MBNL1: variants seen among roughly 807,000 people sequenced by gnomAD.
MBNL1 encodes the protein muscleblind like splicing regulator 1.
MBNL1 carries 8 observed loss-of-function variants against 42.2 expected under a neutral mutation model. The observed-to-expected ratio is 0.19, with a 90% CI of 0.11 to 0.34. The LOEUF is 0.34. MBNL1 is among the 10% of genes least tolerant of loss of function. The pLI is 1.00. For missense variants in MBNL1, 309 were observed against 495.3 expected (o/e 0.62, Z 3.57); for synonymous variants, 169 against 173.9 (o/e 0.97, Z 0.22).
chr3:152,407,817 A>C (rs944043451), intron 2 of MBNL1, among the ~76,000 whole-genome samples: 1 of 152,188 alleles, frequency 6.6e-6, no homozygotes, highest in African/African-American at 2.4e-5. Context: ...AAACATAGTT[A>C]CATCCTTTGC....
chr3:152,259,122 T>C (rs145990753), intron 2 of MBNL1, among the ~76,000 whole-genome samples: 65 of 152,342 alleles, frequency 4.3e-4, no homozygotes, highest in Non-Finnish European at 4.3e-4. Flanking sequence ...GCTTCTTTTA[T>C]ACAATTAACT....
At chr3:152,453,042 A>C (rs1442119646) in intron 6 of MBNL1, among the ~76,000 whole-genome samples, 1 of 151,552 alleles carries the variant, frequency 6.6e-6, no homozygotes, top group African/African-American at 2.4e-5. Context: ...GTATATTAAT[A>C]AATTACTTAT....
intron 5 of MBNL1, chr3:152,446,709 G>T: frequency 1.9e-6 from 3 of 1,613,774 alleles, no homozygotes; most frequent in Non-Finnish European, 2.5e-6. Flanking sequence ...TTAAGACTCA[G>T]TCGGCTGTCA....
At chr3:152,301,571 A>G (rs2060738926) in intron 2 of MBNL1, among the ~76,000 whole-genome samples, 1 of 152,236 alleles carries the variant, frequency 6.6e-6, no homozygotes, top group Admixed American at 6.5e-5. Context: ...GATTTCGAGA[A>G]TATGATCTTT....
chr3:152,262,835 CATAA>C (rs2036534982), intron 2 of MBNL1: 1 of 152,166 alleles, frequency 6.6e-6, no homozygotes, highest in Non-Finnish European at 1.5e-5. Flanking sequence ...ATATTATAAG[CATAA>C]ATAGATAATA....
intron 2 of MBNL1, among the ~76,000 whole-genome samples, chr3:152,345,385 G>A (rs747778418): frequency 9.2e-5 from 14 of 152,050 alleles, no homozygotes; most frequent in Non-Finnish European, 1.9e-4. Context: ...TCTCCCTGAG[G>A]AGAATTTTGT....
chr3:152,390,748 G>A (rs1412433681), intron 2 of MBNL1, among the ~76,000 whole-genome samples: 1 of 152,056 alleles, frequency 6.6e-6, no homozygotes. Flanking sequence ...TCAAAGCTAA[G>A]TAGCAGTAAA....
At chr3:152,298,332 A>G (rs1007940654) in intron 1 of MBNL1, among the ~76,000 whole-genome samples, 1 of 152,092 alleles carries the variant, frequency 6.6e-6, no homozygotes, top group Non-Finnish European at 1.5e-5. Context: ...TAAGTTGTTA[A>G]AAGTAAAAAT....
intron 9 of MBNL1, 111 bp downstream of exon 9, chr3:152,459,456 T>A (rs1740563583): frequency 2.2e-6 from 1 of 444,714 alleles, no homozygotes; most frequent in South Asian, 7.4e-5. Context: ...TATATACAGA[T>A]CACATTTTTA....
chr3:152,318,741 G>A (rs912885048), intron 2 of MBNL1, among the ~76,000 whole-genome samples: 14 of 152,050 alleles, frequency 9.2e-5, no homozygotes, highest in African/African-American at 3.4e-4. Flanking sequence ...GAAAAGACAG[G>A]CTGCAAATCT....
rs968917592 is a variant in MBNL1, at chr3:152,248,594, A to AT, written n.333+4163dup. Among the ~76,000 whole-genome samples the AT allele has an allele frequency of 1.3e-4, 20 of 149,842 alleles. No individual in the cohort carries two copies. In the South Asian group the frequency reaches 2.7e-3, roughly 21 times the overall value. ...TTTCCAAGAATAGAGATAATCTCTT[A>AT]TTTTTTTTTCAAATAAAATTTTTTA... On this transcript the variant is annotated intron_variant and non_coding_transcript_variant, in intron 2 of 2. Coordinates refer to the MBNL1 transcript ENST00000477171.
At chr3:152,436,338 A>T (rs1359714401) in intron 4 of MBNL1, among the ~76,000 whole-genome samples, 1 of 152,176 alleles carries the variant, frequency 6.6e-6, no homozygotes, top group Non-Finnish European at 1.5e-5. Flanking sequence ...AGGAGAAGAG[A>T]TGTGAAGCAA....
At chr3:152,356,617 G>A (rs1443375941) in intron 2 of MBNL1, among the ~76,000 whole-genome samples, 1 of 152,026 alleles carries the variant, frequency 6.6e-6, no homozygotes, top group South Asian at 2.1e-4. Context: ...TTACACGTTC[G>A]CACCACCACT....
chr3:152,295,678 G>T (rs757589317), intron 1 of MBNL1, among the ~76,000 whole-genome samples: 3 of 152,204 alleles, frequency 2.0e-5, no homozygotes, highest in Non-Finnish European at 4.4e-5. Context: ...GTAATGTTTA[G>T]CATAGTTGAC....
chr3:152,277,117 A>C (rs1000594747), intron 1 of MBNL1, among the ~76,000 whole-genome samples: 1 of 152,198 alleles, frequency 6.6e-6, no homozygotes, highest in Non-Finnish European at 1.5e-5. Context: ...AAACATTTAA[A>C]ATTGTATTTT....
At position 152,459,297 on chromosome 3, in the gene MBNL1, G is replaced by A. The variant is rs752348434; in HGVS notation, c.1119G>A (p.Leu373=). The A allele has an allele frequency of 6.3e-7, 1 of 1,582,836 alleles. No homozygotes were observed. Among genetic ancestry groups the A allele is most frequent in the Admixed American group, 1.8e-5 (1 of 55,514 alleles). The change falls in exon 9 of 10, where the codon CTG becomes CTA. Residue 373 remains leucine, a synonymous_variant. Coordinates refer to ENST00000324210, the MANE Select transcript of MBNL1 (RefSeq NM_021038.5). ...TACCCATAATATCTGCCGAACATCT[G>A]ACTAGCCACAAGTATGTTACCCAGA... ...NQIPIISAEH[L]TSHKYVTQM
chr3:152,320,708 T>G (rs1407112204), intron 2 of MBNL1, among the ~76,000 whole-genome samples: 1 of 151,404 alleles, frequency 6.6e-6, no homozygotes, highest in Non-Finnish European at 1.5e-5. Context: ...TAATCTTTTT[T>G]GACTCTACCG....
intron 2 of MBNL1, among the ~76,000 whole-genome samples, chr3:152,374,533 A>T (rs1312256070): frequency 6.6e-6 from 1 of 152,226 alleles, no homozygotes. Context: ...TATGCCTGGT[A>T]TTCCCCTTAT....
At chr3:152,338,006 G>A (rs1484717642) in intron 2 of MBNL1, 1 of 798,232 alleles carries the variant, frequency 1.3e-6, no homozygotes, top group Admixed American at 6.3e-5. Flanking sequence ...TTTTGTATTT[G>A]TAAATTAAAT....
Sources: allele counts gnomAD v4.1 joint callset (sites outside exome capture counted in the v4.1 genomes callset), GRCh38; gene constraint gnomAD v4.1.1; transcripts MANE v1.5; gene names NCBI Gene and HGNC (gene_info 2026-07-23, HGNC 2026-07-21).